The following GTF2IRD1 variants were observed in gnomAD, a reference collection of about 807,000 sequenced individuals.
GTF2IRD1 encodes GTF2I repeat domain containing 1, also known as general transcription factor II-I repeat domain-containing protein 1.
A neutral mutation model predicts 113.2 loss-of-function variants in GTF2IRD1; 26 were observed. That is an observed-to-expected ratio of 0.23 (90% CI 0.17 to 0.32). GTF2IRD1 has a LOEUF of 0.32. GTF2IRD1 is among the 10% of genes least tolerant of loss of function. The pLI, the probability that GTF2IRD1 is intolerant of heterozygous loss-of-function variation, is 1.00. For missense variants in GTF2IRD1, 864 were observed against 1,280.8 expected, an observed-to-expected ratio of 0.67 and a Z score of 4.97; for synonymous variants, 484 against 529.1, an observed-to-expected ratio of 0.91 and a Z score of 1.17.
Position 74,595,016 on chromosome 7 carries a change from C to G in GTF2IRD1, c.2594C>G (p.Pro865Arg), listed in dbSNP as rs781997588. Residue 865 changes from proline to arginine, a missense_variant and splice_region_variant, in exon 25 of 27, where the codon CCC becomes CGC. This residue lies in a region of GTF2IRD1 where 195 missense variants were observed against 359.1 expected (regional missense o/e 0.54). Transcript: ENST00000424337. ...CACCTCATTTCTTTCTTTTTCAGAC[C>G]CTTTGCAGAAATCTGCAATGATGCC... Reference protein sequence around the residue: ...VRMVIINQLQPFAEICNDAKV... With the variant: ...VRMVIINQLQRFAEICNDAKV... 1 of 1,602,820 alleles carries G rather than the reference C, an allele frequency of 6.2e-7. No homozygotes were observed. The highest frequency in any genetic ancestry group is 1.1e-5 in the South Asian group (1 of 90,868).
chr7:74,537,748 C>T (rs1798384359), intron 11 of GTF2IRD1, among the ~76,000 whole-genome samples: 1 of 152,198 alleles, frequency 6.6e-6, no homozygotes, highest in Non-Finnish European at 1.5e-5. Flanking sequence ...CATTCCCCAG[C>T]CCCTTCCCCA....
At chr7:74,534,762 G>A (rs587705325) in intron 9 of GTF2IRD1, among the ~76,000 whole-genome samples, 1 of 151,174 alleles carries the variant, frequency 6.6e-6, no homozygotes, top group African/African-American at 2.4e-5. Flanking sequence ...AATTAGCAGG[G>A]CATGGTGGTG....
Position 74,483,255 on chromosome 7 carries a change from T to C in GTF2IRD1, c.-6-24820T>C, listed in dbSNP as rs1794843503. Reference sequence around the variant, plus strand: ...TTTGAAGTTTGCTCTTAAGATCTTATTTAGGCCGGTCACAGTGGCTCATTC... The same window carrying C: ...TTTGAAGTTTGCTCTTAAGATCTTACTTAGGCCGGTCACAGTGGCTCATTC... On this transcript the variant is annotated intron_variant, in intron 1 of 26. Coordinates refer to ENST00000424337, the MANE Select transcript of GTF2IRD1 (RefSeq NM_005685.4). Among the ~76,000 whole-genome samples the C allele has an allele frequency of 2.6e-5, 4 of 152,100 alleles. No individual in the cohort carries two copies. In the South Asian group the frequency reaches 8.3e-4, roughly 32 times the overall value.
chr7:74,497,346 C>A (rs111735909), intron 1 of GTF2IRD1, among the ~76,000 whole-genome samples: 73 of 152,194 alleles, frequency 4.8e-4, no homozygotes, highest in African/African-American at 1.7e-3. Flanking sequence ...CACTGCAGCC[C>A]CAACCTCCGC....
intron 25 of GTF2IRD1, among the ~76,000 whole-genome samples, chr7:74,600,020 G>A (rs1802653512): frequency 6.6e-6 from 1 of 152,352 alleles, no homozygotes; most frequent in African/African-American, 2.4e-5. Flanking sequence ...GCTCGTGAGT[G>A]AAATGTGAAT....
intron 8 of GTF2IRD1, among the ~76,000 whole-genome samples, chr7:74,525,912 G>A (rs1290101780): frequency 3.9e-5 from 6 of 152,210 alleles, no homozygotes; most frequent in South Asian, 2.1e-4. Flanking sequence ...CAGCCTCTGC[G>A]TGTGGGCTGG....
chr7:74,538,710 C>T lies in GTF2IRD1; in HGVS notation c.1478C>T (p.Pro493Leu), dbSNP rs587689680. The T allele has an allele frequency of 2.9e-5, 46 of 1,607,998 alleles. No individual in the cohort carries two copies. Among genetic ancestry groups the T allele is most frequent in the Non-Finnish European group, 3.6e-5 (42 of 1,174,412 alleles). ...GTSGELGGLR[P>L]IKIEPEDLDI... ...TCCGGGGAGCTGGGCGGGCTGAGGC[C>T]GATCAAAATTGAGCCAGAGGATCTG... The change falls in exon 13 of 27, where the codon CCG becomes CTG. Residue 493 changes from proline (P) to leucine (L), a missense_variant. Physicochemically the swap from Pro to Leu is moderately conservative, Grantham distance 98 (BLOSUM62 -3). Transcript: ENST00000424337.
chr7:74,593,609 T>C (rs1187066732), intron 24 of GTF2IRD1, among the ~76,000 whole-genome samples: 8 of 151,414 alleles, frequency 5.3e-5, no homozygotes, highest in Admixed American at 1.3e-4. Context: ...GCAGGGCACC[T>C]GTTGTTCCAG....
chr7:74,574,173 T>G (rs986621955), intron 22 of GTF2IRD1, among the ~76,000 whole-genome samples: 2 of 144,494 alleles, frequency 1.4e-5, no homozygotes, highest in Admixed American at 1.4e-4. Context: ...TTTTTTTTTT[T>G]GTATTTTTAG....
intron 3 of GTF2IRD1, among the ~76,000 whole-genome samples, chr7:74,514,795 A>G (rs1303685756): frequency 6.6e-6 from 1 of 152,036 alleles, no homozygotes; most frequent in South Asian, 2.1e-4. Flanking sequence ...ACAGAAAGGC[A>G]TGGATGGGGC....
intron 6 of GTF2IRD1, among the ~76,000 whole-genome samples, chr7:74,520,514 G>A (rs1554345696): frequency 6.6e-6 from 1 of 152,076 alleles, no homozygotes; most frequent in African/African-American, 2.4e-5. Flanking sequence ...CTGAGAGAGG[G>A]TTAGAAATGC....
intron 2 of GTF2IRD1, among the ~76,000 whole-genome samples, chr7:74,511,852 G>A (rs1796655747): frequency 6.6e-6 from 1 of 152,214 alleles, no homozygotes; most frequent in African/African-American, 2.4e-5. Flanking sequence ...CTGAGATGCT[G>A]GTGGTCTTGG....
intron 24 of GTF2IRD1, among the ~76,000 whole-genome samples, chr7:74,594,552 CTG>C (rs1802287580): frequency 6.6e-6 from 1 of 152,172 alleles, no homozygotes. Context: ...GGGGGATGCT[CTG>C]TTGGGACGTT....
At chr7:74,579,574 C>T (rs1243181959) in intron 22 of GTF2IRD1, among the ~76,000 whole-genome samples, 10 of 149,984 alleles carry the variant, frequency 6.7e-5, no homozygotes, top group Admixed American at 3.3e-4. Context: ...GCCCAGATCA[C>T]GCCACCGCAC....
intron 22 of GTF2IRD1, among the ~76,000 whole-genome samples, chr7:74,567,389 G>C (rs1300556906): frequency 3.3e-5 from 5 of 152,024 alleles, no homozygotes; most frequent in Non-Finnish European, 5.9e-5. Context: ...AGCCCAGGGA[G>C]AAACTTACTG....
intron 25 of GTF2IRD1, 28 bp from the exon 26 acceptor site, chr7:74,601,016 T>C (rs782737347): frequency 7.4e-6 from 12 of 1,613,148 alleles, no homozygotes; most frequent in Non-Finnish European, 1.0e-5. Flanking sequence ...CAGCTTCCAG[T>C]GTCAACAGCC....
chr7:74,520,790 A>G (rs1265716541), intron 6 of GTF2IRD1, among the ~76,000 whole-genome samples: 1 of 143,480 alleles, frequency 7.0e-6, no homozygotes, highest in East Asian at 2.1e-4. Flanking sequence ...AAAAAAAAAA[A>G]GCGTTTGGGT....
intron 1 of GTF2IRD1, among the ~76,000 whole-genome samples, chr7:74,474,394 GAATA>G (rs1794287291): frequency 6.6e-6 from 1 of 152,202 alleles, no homozygotes; most frequent in Admixed American, 6.5e-5. Flanking sequence ...GATGTGTTTG[GAATA>G]AATAATGAGC....
intron 1 of GTF2IRD1, among the ~76,000 whole-genome samples, chr7:74,461,416 A>C (rs897903381): frequency 2.0e-5 from 3 of 151,996 alleles, no homozygotes; most frequent in Non-Finnish European, 4.4e-5. Flanking sequence ...TTTTCTGGCT[A>C]CTGGCAGAAC....
Sources: gnomAD v4.1 joint callset for allele counts (sites outside exome capture counted in the v4.1 genomes callset) on GRCh38, gnomAD v4.1.1 for gene constraint, gnomAD v4.1.1 regional missense constraint, MANE v1.5 for transcripts, NCBI Gene and HGNC (gene_info 2026-07-23, HGNC 2026-07-21) for gene names.